Variants in VAV3 observed in about 807,000 individuals in gnomAD.
VAV3 encodes the protein guanine nucleotide exchange factor VAV3.
In VAV3, 94 loss-of-function variants were observed where a neutral mutation model predicts 131.2. That is an observed-to-expected ratio of 0.72 (90% CI 0.61 to 0.85). The LOEUF is 0.85. Ranked by LOEUF, VAV3 falls within the 40% of genes least tolerant of loss-of-function variation. The pLI, the probability that VAV3 is intolerant of heterozygous loss-of-function variation, is 0.00. For missense variants in VAV3, 939 were observed against 1,002.7 expected (o/e 0.94, Z 0.86); for synonymous variants, 349 against 342.0 (o/e 1.02, Z -0.22).
intron 17 of VAV3, among the ~76,000 whole-genome samples, chr1:107,693,907 G>A (rs2101797703): frequency 6.6e-6 from 1 of 152,212 alleles, no homozygotes; most frequent in Non-Finnish European, 1.5e-5. Flanking sequence ...TTCAGCCAAT[G>A]GACTTGATGA....
chr1:107,879,563 T>C (rs572938489), intron 1 of VAV3, among the ~76,000 whole-genome samples: 47 of 152,290 alleles, frequency 3.1e-4, no homozygotes, highest in South Asian at 1.5e-3. Flanking sequence ...TGTTTTTTTT[T>C]CCCAGTCTAT....
intron 4 of VAV3, among the ~76,000 whole-genome samples, chr1:107,776,993 C>T (rs1241238546): frequency 6.6e-6 from 1 of 152,208 alleles, no homozygotes; most frequent in Non-Finnish European, 1.5e-5. Context: ...CTTTGAGAAA[C>T]TTTGAAATTT....
intron 1 of VAV3, among the ~76,000 whole-genome samples, chr1:107,950,952 T>C (rs1004145607): frequency 2.0e-5 from 3 of 152,154 alleles, no homozygotes; most frequent in Non-Finnish European, 2.9e-5. Flanking sequence ...TTTGATTCTA[T>C]AGTTTTTGCT....
At chr1:107,714,732 A>AG (rs1402535978) in intron 15 of VAV3, among the ~76,000 whole-genome samples, 22 of 152,144 alleles carry the variant, frequency 1.4e-4, no homozygotes, top group African/African-American at 4.8e-4. Flanking sequence ...TTTAAAAAAA[A>AG]CAGTTCAGAA....
chr1:107,667,526 G>A (rs147568705), intron 19 of VAV3, among the ~76,000 whole-genome samples: 74 of 152,224 alleles, frequency 4.9e-4, no homozygotes, highest in African/African-American at 1.8e-3. Context: ...TAATGTAAAT[G>A]AATTTATGAT....
chr1:107,925,101 C>T (rs914815875), intron 1 of VAV3, among the ~76,000 whole-genome samples: 5 of 152,016 alleles, frequency 3.3e-5, no homozygotes, highest in African/African-American at 1.2e-4. Flanking sequence ...TGATATTGAA[C>T]ACAAGATGCC....
chr1:107,682,377 T>A (rs1277217166), intron 19 of VAV3, among the ~76,000 whole-genome samples: 1 of 152,200 alleles, frequency 6.6e-6, no homozygotes, highest in Non-Finnish European at 1.5e-5. Context: ...ATGTTCACAG[T>A]CATATACCCC....
intron 1 of VAV3, among the ~76,000 whole-genome samples, chr1:107,916,613 T>C (rs1191256090): frequency 8.5e-5 from 13 of 152,154 alleles, no homozygotes; most frequent in Admixed American, 8.5e-4. Flanking sequence ...AATAAATAAA[T>C]GCAAATTATA....
At chr1:107,598,058 A>G (rs1245502733) in intron 24 of VAV3, among the ~76,000 whole-genome samples, 5 of 152,184 alleles carry the variant, frequency 3.3e-5, no homozygotes, top group African/African-American at 1.2e-4. Context: ...AGCAAATGTA[A>G]ATACAAAAAC....
At chr1:107,771,748 A>G (rs1346036856) in intron 5 of VAV3, among the ~76,000 whole-genome samples, 1 of 152,242 alleles carries the variant, frequency 6.6e-6, no homozygotes, top group East Asian at 1.9e-4. Context: ...TCACCCCATC[A>G]GCTGAGTGAG....
chr1:107,925,868 GAT>G (rs1458266074), intron 1 of VAV3, among the ~76,000 whole-genome samples: 3 of 144,906 alleles, frequency 2.1e-5, no homozygotes, highest in South Asian at 2.2e-4. Flanking sequence ...TATATAAACA[GAT>G]ATGTCACATA....
intron 2 of VAV3, among the ~76,000 whole-genome samples, chr1:107,864,679 G>A (rs1669899149): frequency 1.3e-5 from 2 of 152,122 alleles, no homozygotes; most frequent in South Asian, 4.1e-4. Context: ...CTTCTCACTG[G>A]GCTGTCACTA....
chr1:107,946,801 T>A (rs1000483677), intron 1 of VAV3, among the ~76,000 whole-genome samples: 13 of 152,258 alleles, frequency 8.5e-5, no homozygotes, highest in African/African-American at 3.1e-4. Context: ...ATAATAGTTA[T>A]GTTCTATTAC....
At chr1:107,727,252 G>A (rs1322630519) in intron 15 of VAV3, among the ~76,000 whole-genome samples, 3 of 152,188 alleles carry the variant, frequency 2.0e-5, no homozygotes, top group Admixed American at 6.5e-5. Flanking sequence ...GGGTTCTTTC[G>A]TAATTTTGTT....
chr1:107,821,455 A>C (rs1557866461), intron 2 of VAV3, among the ~76,000 whole-genome samples: 1 of 152,244 alleles, frequency 6.6e-6, no homozygotes, highest in Non-Finnish European at 1.5e-5. Flanking sequence ...GCCTCTCTAA[A>C]AACGTGTCAT....
chr1:107,930,741 T>C (rs1673392770), intron 1 of VAV3, among the ~76,000 whole-genome samples: 1 of 152,188 alleles, frequency 6.6e-6, no homozygotes, highest in South Asian at 2.1e-4. Flanking sequence ...GAAGAGATGA[T>C]ACTGTCACCA....
chr1:107,897,252 CCTA>C (rs758284225), intron 1 of VAV3: 2 of 150,746 alleles, frequency 1.3e-5, no homozygotes, highest in Non-Finnish European at 3.0e-5. Flanking sequence ...CATACATATG[CCTA>C]CTACTACTTT....
chr1:107,576,502 AG>A (rs1649662201), intron 25 of VAV3: 48 of 1,493,938 alleles, frequency 3.2e-5, no homozygotes, highest in Non-Finnish European at 4.2e-5. Flanking sequence ...AAAAGAGAGA[AG>A]CAAAAGAGCA....
In VAV3 at chr1:107,602,607, A is replaced by G. The variant is rs552159235; in HGVS notation, c.2133-123T>C. The G allele has an allele frequency of 8.2e-4, 557 of 681,164 alleles. 1 individual carries two copies. Among genetic ancestry groups the G allele is most frequent in the Admixed American group, 2.0e-3 (55 of 27,440 alleles). The allele number at this position is 681,164 out of a possible 1,614,324, so 42.2% of individuals were successfully genotyped here. On this transcript the variant is annotated intron_variant, in intron 23 of 26. Coordinates refer to ENST00000370056, the MANE Select transcript of VAV3 (RefSeq NM_006113.5). ...ATTCTGCAGACAAAAATATATACCT[A>G]TGCCAATACACTGGTGACAGCTAAT...
Sources: allele counts gnomAD v4.1 joint callset (sites outside exome capture counted in the v4.1 genomes callset), GRCh38; gene constraint gnomAD v4.1.1; transcripts MANE v1.5; gene names NCBI Gene and HGNC (gene_info 2026-07-23, HGNC 2026-07-21).